Variants in GOLM2 observed in about 807,000 individuals in gnomAD.
GOLM2 encodes golgi membrane protein 2, also known as protein GOLM2.
Under a neutral mutation model 55.9 loss-of-function variants are expected in GOLM2, and 26 were observed. The ratio of observed to expected loss-of-function variants is 0.47; its 90% CI spans 0.34 to 0.65. The LOEUF is 0.65. Among genes scored for constraint, GOLM2 ranks in the 30% least tolerant of loss-of-function variants. The pLI, the probability that GOLM2 is intolerant of heterozygous loss-of-function variation, is 0.01. For synonymous variants in GOLM2, 165 were observed against 194.6 expected (o/e 0.85, Z 1.27); for missense variants, 486 against 531.8 (o/e 0.91, Z 0.85).
In GOLM2 at chr15:44,337,756, C is replaced by CT; in HGVS notation, c.577-6dup. The CT allele has an allele frequency of 1.3e-6, 2 of 1,552,922 alleles. No individual in the cohort carries two copies. Among genetic ancestry groups the CT allele is most frequent in the Non-Finnish European group, 1.7e-6 (2 of 1,159,456 alleles). On this transcript the variant is annotated splice_polypyrimidine_tract_variant and splice_region_variant and intron_variant, in intron 4 of 9. Coordinates refer to ENST00000299957, the MANE Select transcript of GOLM2 (RefSeq NM_138423.4). The stretch of plus-strand genomic sequence containing the variant: ...GAAAAATATTATTACCAAATTTTGT[C>CT]TAACAGCAAGAGACCCAAAAGATTC...
chr15:44,368,133 A>T (rs143544969), intron 6 of GOLM2, among the ~76,000 whole-genome samples: 31 of 151,610 alleles, frequency 2.0e-4, no homozygotes, highest in African/African-American at 6.5e-4. Context: ...ATACATTTTT[A>T]AAATTTATTT....
At chr15:44,319,144 T>G (rs2078932358) in intron 1 of GOLM2, among the ~76,000 whole-genome samples, 1 of 152,192 alleles carries the variant, frequency 6.6e-6, no homozygotes. Context: ...GATTGCCTAT[T>G]TACTTGACTC....
chr15:44,326,654 G>GT (rs1163555111), intron 2 of GOLM2, among the ~76,000 whole-genome samples: 5,089 of 133,424 alleles, frequency 0.038, 328 homozygotes, highest in African/African-American at 0.13. Flanking sequence ...TTTATTTATA[G>GT]TTTTTTTTTT....
intron 6 of GOLM2, among the ~76,000 whole-genome samples, chr15:44,363,905 A>G (rs1293163661): frequency 6.6e-6 from 1 of 152,166 alleles, no homozygotes. Context: ...GACATGGATG[A>G]AACTGGAAAT....
At chr15:44,331,193 C>T (rs1392518434) in intron 3 of GOLM2, among the ~76,000 whole-genome samples, 2 of 151,902 alleles carry the variant, frequency 1.3e-5, no homozygotes, top group Non-Finnish European at 2.9e-5. Context: ...TTTTTTGTAT[C>T]TTTAGTAGAG....
rs1595607890 is a variant in GOLM2 at position 44,289,659 on chromosome 15, G to A, written c.327+303G>A. 6.6e-6 allele frequency among the ~76,000 whole-genome samples: 1 copy of A among 152,256 alleles called. No individual in the cohort carries two copies. Among genetic ancestry groups the A allele is most frequent in the Non-Finnish European group, 1.5e-5 (1 of 68,020 alleles). ...CAGTAGTAATCATCTGGCCTGTGTG[G>A]CCCCCTTACCTTCAAAGACACACAA... On this transcript the variant is annotated intron_variant, in intron 1 of 9. Coordinates refer to ENST00000299957, the MANE Select transcript of GOLM2 (RefSeq NM_138423.4). This position sits in a 1 kb window ranked among gnomAD's most constrained non-coding sequence, Gnocchi z 4.8.
At chr15:44,354,426 A>T (rs1319009503) in intron 6 of GOLM2, among the ~76,000 whole-genome samples, 1 of 152,004 alleles carries the variant, frequency 6.6e-6, no homozygotes, top group Non-Finnish European at 1.5e-5. Flanking sequence ...TTGTGCACAT[A>T]TACCCTAAAA....
chr15:44,343,711 G>C (rs2079103635), intron 6 of GOLM2, among the ~76,000 whole-genome samples: 1 of 151,536 alleles, frequency 6.6e-6, no homozygotes, highest in African/African-American at 2.4e-5. Context: ...TGTAATTCCA[G>C]CTACTTGGGA....
Position 44,393,138 on chromosome 15 carries a change from CAA to C in GOLM2, c.1073-9746_1073-9745del, listed in dbSNP as rs576263411. 1.7e-3 allele frequency among the ~76,000 whole-genome samples: 254 copies of C among 152,126 alleles called. 1 individual carries two copies. Among genetic ancestry groups the C allele is most frequent in the African/African-American group, 5.9e-3 (245 of 41,510 alleles). Reference sequence around the variant, plus strand: ...AATATGATTTTATATGTAGAAAACTCAAAACAATTTATAAACAAATGTATTTA... The same window carrying C: ...AATATGATTTTATATGTAGAAAACTCAACAATTTATAAACAAATGTATTTA... On this transcript the variant is annotated intron_variant, in intron 8 of 9. Transcript: ENST00000299957.
intron 9 of GOLM2, among the ~76,000 whole-genome samples, chr15:44,405,159 T>A (rs1332295111): frequency 6.6e-6 from 1 of 152,224 alleles, no homozygotes; most frequent in African/African-American, 2.4e-5. Context: ...ACTGCCACCT[T>A]CTACTTCAAG....
rs185729378 is a variant in GOLM2, at chr15:44,370,079, C to T, written c.803-9611C>T. 1.3e-3 allele frequency among the ~76,000 whole-genome samples: 200 copies of T among 152,234 alleles called. 1 individual carries two copies. The highest frequency in any genetic ancestry group is 4.5e-3 in the African/African-American group (189 of 41,550). ...AAGCTAGGCCAGTCTCACCTTTTCTCGTTTTTCTGCCTGTTTTATATTCGC... is the reference window on the plus strand; with the variant it reads ...AAGCTAGGCCAGTCTCACCTTTTCTTGTTTTTCTGCCTGTTTTATATTCGC... On this transcript the variant is annotated intron_variant, in intron 6 of 9. Transcript: ENST00000299957.
At chr15:44,301,150 A>T (rs2078794733) in intron 1 of GOLM2, among the ~76,000 whole-genome samples, 1 of 152,090 alleles carries the variant, frequency 6.6e-6, no homozygotes, top group Admixed American at 6.6e-5. Flanking sequence ...GGCCTCTCAT[A>T]GCTCACTGCA....
intron 6 of GOLM2, among the ~76,000 whole-genome samples, chr15:44,345,684 C>T (rs931357174): frequency 1.8e-4 from 28 of 152,166 alleles, no homozygotes; most frequent in African/African-American, 6.7e-4. Context: ...CTTTAAAAAT[C>T]CAATCAGTCC....
intron 1 of GOLM2, among the ~76,000 whole-genome samples, chr15:44,322,728 T>C (rs1375353144): frequency 2.6e-5 from 4 of 152,234 alleles, no homozygotes; most frequent in Admixed American, 6.5e-5. Flanking sequence ...GTTCAAACTT[T>C]AAAACTTTTA....
chr15:44,375,217 C>T (rs952606292), intron 6 of GOLM2, among the ~76,000 whole-genome samples: 6 of 152,016 alleles, frequency 3.9e-5, no homozygotes, highest in Non-Finnish European at 5.9e-5. Context: ...GACGGGGTTT[C>T]GCCATGTTGG....
At chr15:44,376,229 C>G (rs935837105) in intron 6 of GOLM2, among the ~76,000 whole-genome samples, 2 of 152,066 alleles carry the variant, frequency 1.3e-5, no homozygotes, top group Non-Finnish European at 2.9e-5. Context: ...AGCAAAACTC[C>G]GTCTCAAAAA....
intron 1 of GOLM2, among the ~76,000 whole-genome samples, chr15:44,300,551 AG>A (rs1478595300): frequency 6.6e-6 from 1 of 152,210 alleles, no homozygotes; most frequent in Non-Finnish European, 1.5e-5. Flanking sequence ...TGCAGAAAAA[AG>A]GTAAAAGGAC....
chr15:44,337,416 A>G lies in GOLM2; in HGVS notation c.577-347A>G, dbSNP rs2079064577. Among the ~76,000 whole-genome samples, 3 of 151,838 alleles carry G rather than the reference A, an allele frequency of 2.0e-5. No individual in the cohort carries two copies. In the South Asian group the frequency reaches 6.2e-4, roughly 32 times the overall value. On this transcript the variant is annotated intron_variant, in intron 4 of 9. Coordinates refer to ENST00000299957, the MANE Select transcript of GOLM2 (RefSeq NM_138423.4). ...TGCTTACAGAGAACCCACCCTGCCCATAGCACCCAGGAAGATGCCCAATTT... is the reference window on the plus strand; with the variant it reads ...TGCTTACAGAGAACCCACCCTGCCCGTAGCACCCAGGAAGATGCCCAATTT...
intron 6 of GOLM2, among the ~76,000 whole-genome samples, chr15:44,342,072 A>G (rs1302302335): frequency 6.6e-6 from 1 of 152,080 alleles, no homozygotes; most frequent in East Asian, 1.9e-4. Context: ...GATTTTTACA[A>G]TGTGAACTTG....
Sources: gnomAD v4.1 joint callset for allele counts (sites outside exome capture counted in the v4.1 genomes callset) on GRCh38, gnomAD v4.1.1 for gene constraint, Gnocchi (gnomAD v3.1) non-coding constraint, MANE v1.5 for transcripts, NCBI Gene and HGNC (gene_info 2026-07-23, HGNC 2026-07-21) for gene names.